The following TACC2 variants were observed in gnomAD, a reference collection of about 807,000 sequenced individuals.
TACC2 encodes the protein transforming acidic coiled-coil containing protein 2, also known as transforming acidic coiled-coil-containing protein 2.
In TACC2, 137 loss-of-function variants were observed where a neutral mutation model predicts 227.3. That is an observed-to-expected ratio of 0.60 (90% CI 0.52 to 0.69). TACC2 has a LOEUF of 0.69. Ranked by LOEUF, TACC2 falls within the 30% of genes least tolerant of loss-of-function variation. The pLI is 0.00. For synonymous variants in TACC2, 1,523 were observed against 1,487.5 expected (o/e 1.02, Z -0.55); for missense variants, 3,470 against 3,694.4 (o/e 0.94, Z 1.57).
intron 16 of TACC2, among the ~76,000 whole-genome samples, chr10:122,235,639 C>T (rs1451171415): frequency 6.6e-6 from 1 of 152,122 alleles, no homozygotes; most frequent in Non-Finnish European, 1.5e-5. Flanking sequence ...TGAGAAGTTC[C>T]CCCATGACAA....
chr10:122,028,833 C>T (rs1309629242), intron 2 of TACC2, among the ~76,000 whole-genome samples: 1 of 35,080 alleles, frequency 2.9e-5, no homozygotes, highest in African/African-American at 1.7e-4. Flanking sequence ...CTTCCCTTCC[C>T]TCCGCTCCCC....
chr10:122,135,228 A>G (rs768763290), intron 6 of TACC2, among the ~76,000 whole-genome samples: 7 of 152,164 alleles, frequency 4.6e-5, no homozygotes, highest in Non-Finnish European at 1.0e-4. Context: ...CGGGAGAGCC[A>G]GGCTTCCTCG....
At chr10:122,220,559 A>C (rs1049543263) in intron 11 of TACC2, among the ~76,000 whole-genome samples, 4 of 152,236 alleles carry the variant, frequency 2.6e-5, no homozygotes, top group Non-Finnish European at 4.4e-5. Context: ...TAGCAGCACC[A>C]GACACACACC....
Position 122,211,673 on chromosome 10 carries a change from C to G in TACC2, c.7248C>G (p.Asn2416Lys). 1 of 1,569,494 alleles carries G rather than the reference C, an allele frequency of 6.4e-7. No individual in the cohort carries two copies. Among genetic ancestry groups the G allele is most frequent in the Non-Finnish European group, 8.6e-7 (1 of 1,164,540 alleles). ...ATGGAGTGGACGGGGATGGGCTAAA[C>G]AAGCCCGCCAAGAAGAAGAAGACGC... ...EANGVDGDGL[N>K]KPAKKKKTPL... Residue 2416 changes from asparagine (N) to lysine (K), a missense_variant, in exon 9 of 23, where the codon AAC (asparagine) becomes AAG (lysine). Around this residue, in one of 10 missense-constraint regions of TACC2, gnomAD observed 593 missense variants for 636.6 expected, o/e 0.93. Transcript: ENST00000369005.
intron 5 of TACC2, among the ~76,000 whole-genome samples, chr10:122,092,343 A>G (rs1460449051): frequency 6.6e-6 from 1 of 152,164 alleles, no homozygotes; most frequent in Non-Finnish European, 1.5e-5. Context: ...TGTGTACCAT[A>G]TTATATTGTA....
In TACC2 at chr10:122,214,092, C is replaced by CG. The variant is rs1277896420; in HGVS notation, c.7284-1292dup. 6.6e-4 allele frequency among the ~76,000 whole-genome samples: 100 copies of CG among 152,076 alleles called. 1 individual carries two copies. The highest frequency in any genetic ancestry group is 2.8e-3 in the Admixed American group (43 of 15,262). On this transcript the variant is annotated intron_variant, in intron 9 of 22. Transcript: ENST00000369005. Reference sequence around the variant, plus strand: ...GGCCAGGAGGGATCTGTGGGCAGCTCGGGGGGGTCCAAAGACATGCAACTT... The same window carrying CG: ...GGCCAGGAGGGATCTGTGGGCAGCTCGGGGGGGGTCCAAAGACATGCAACTT...
In TACC2 at chr10:122,249,564, AG is replaced by A; in HGVS notation, c.8683del (p.Val2895PhefsTer37). 6.2e-7 allele frequency: 1 copy of A among 1,614,158 alleles called. No individual in the cohort carries two copies. Among genetic ancestry groups the A allele is most frequent in the Non-Finnish European group, 8.5e-7 (1 of 1,179,986 alleles). On this transcript the variant is annotated frameshift_variant, in exon 22 of 23. Coordinates refer to ENST00000369005, the MANE Select transcript of TACC2 (RefSeq NM_206862.4). LOFTEE classifies it high-confidence loss of function. Reference sequence around the variant, plus strand: ...CGCAGGGCCAATGCTGAGATTGCTCAGGTTCGAGGCAAGGCCCAGCAGGAGC... The same window carrying A: ...CGCAGGGCCAATGCTGAGATTGCTCAGTTCGAGGCAAGGCCCAGCAGGAGC... ...KLDRANAEIA[Q>X]VRGKAQQEQA...
intron 1 of TACC2, among the ~76,000 whole-genome samples, chr10:122,014,657 G>A (rs1191238593): frequency 1.3e-5 from 2 of 152,212 alleles, no homozygotes; most frequent in Admixed American, 6.5e-5. Context: ...GGCTTCTGCA[G>A]TCTTGCTGCT....
intron 1 of TACC2, among the ~76,000 whole-genome samples, chr10:122,016,769 T>C (rs1956699333): frequency 6.6e-6 from 1 of 152,196 alleles, no homozygotes; most frequent in Non-Finnish European, 1.5e-5. Flanking sequence ...TTCTATAAGA[T>C]GCTTAATTTG....
intron 2 of TACC2, among the ~76,000 whole-genome samples, chr10:122,043,565 TCTCTTTCTTTCTTCCTTTCTTC>T (rs1040543301): frequency 7.4e-4 from 8 of 10,802 alleles, no homozygotes; most frequent in African/African-American, 1.9e-3. Flanking sequence ...TCTCTCTCTC[TCTCTTTCTTTCTTCCTTTCTTC>T]CTTTCTTTCT....
At position 122,249,075 on chromosome 10, in the gene TACC2, C is replaced by G; in HGVS notation, c.8579C>G (p.Ala2860Gly). 6.2e-7 allele frequency: 1 copy of G among 1,613,196 alleles called. No individual in the cohort carries two copies. The highest frequency in any genetic ancestry group is 8.5e-7 in the Non-Finnish European group (1 of 1,179,848). Residue 2860 changes from alanine (A) to glycine (G), a missense_variant, in exon 21 of 23, where the codon GCG becomes GGG. Ala to Gly is a moderately conservative substitution (Grantham distance 60). This residue lies in a region of TACC2 where 89 missense variants were observed against 91.4 expected (regional missense o/e 0.97). Transcript: ENST00000369005. Reference sequence around the variant, plus strand: ...AATGAAGAGGTGTTGAAGAGATGTGCGCAGGAGTACCTGTCCCGGGTGAAG... The same window carrying G: ...AATGAAGAGGTGTTGAAGAGATGTGGGCAGGAGTACCTGTCCCGGGTGAAG... The part of the protein sequence containing the change: ...RKNEEVLKRC[A>G]QEYLSRVKKE...
chr10:122,028,760 T>C (rs1239567193), intron 2 of TACC2, among the ~76,000 whole-genome samples: 4 of 59,176 alleles, frequency 6.8e-5, no homozygotes, highest in Admixed American at 3.4e-4. Flanking sequence ...CCCTTCCCCT[T>C]CTGTTCCCTT....
At chr10:122,008,264 A>ATTATTTATT in intron 1 of TACC2, among the ~76,000 whole-genome samples, 4 of 134,654 alleles carry the variant, frequency 3.0e-5, no homozygotes, top group South Asian at 2.4e-4. Context: ...TATTATTATT[A>ATTATTTATT]TTTTTTTTTT....
At position 122,101,682 on chromosome 10, in the gene TACC2, C is replaced by T. The variant is rs111387563; in HGVS notation, c.5573+13091C>T. On this transcript the variant is annotated intron_variant, in intron 5 of 22. Coordinates refer to ENST00000369005, the MANE Select transcript of TACC2 (RefSeq NM_206862.4). ...TCATGCCATTCTCCTGCCTCAGGCTCCCAAGTAGCTGGGACTACAGGTGCC... is the reference window on the plus strand; with the variant it reads ...TCATGCCATTCTCCTGCCTCAGGCTTCCAAGTAGCTGGGACTACAGGTGCC... Among the ~76,000 whole-genome samples, 1,407 of 148,308 alleles carry T rather than the reference C, an allele frequency of 9.5e-3. 38 individuals are homozygous for T. The highest frequency in any genetic ancestry group is 0.034 in the African/African-American group (1,346 of 40,018).
intron 19 of TACC2, 108 bp downstream of exon 19, chr10:122,242,109 C>A (rs2141738094): frequency 1.9e-6 from 2 of 1,038,206 alleles, no homozygotes; most frequent in Non-Finnish European, 3.0e-6. Context: ...GAGCGTGAAG[C>A]CTTTCAGGGA....
chr10:122,117,191 CTTTTTTTT>C (rs71482688), intron 5 of TACC2, among the ~76,000 whole-genome samples: 80 of 129,820 alleles, frequency 6.2e-4, no homozygotes, highest in African/African-American at 2.1e-3. Context: ...TCTTAGAAAT[CTTTTTTTT>C]TTTTTTTTTT....
rs2095662574 is a variant in TACC2 at position 122,228,089 on chromosome 10, TC to T, written c.7896+82del. Reference sequence around the variant, plus strand: ...TATTGTCACCAAGAAGGCCAGGCCTTCAGAGCAACACTCACCTGGCACCTGC... The same window carrying T: ...TATTGTCACCAAGAAGGCCAGGCCTTAGAGCAACACTCACCTGGCACCTGC... On this transcript the variant is annotated intron_variant, in intron 14 of 22. Coordinates refer to ENST00000369005, the MANE Select transcript of TACC2 (RefSeq NM_206862.4). 3 of 1,450,206 alleles carry T rather than the reference TC, an allele frequency of 2.1e-6. No homozygotes were observed. In the African/African-American group the frequency reaches 4.2e-5, roughly 20 times the overall value. 89.8% of individuals were successfully genotyped at this position (1,450,206 alleles called of 1,614,324 possible).
chr10:122,152,729 C>T lies in TACC2; in HGVS notation c.5834+9023C>T, dbSNP rs894284161. ...GACTGACGTAGTTGGGGAAATGGGC[C>T]GAGCCATCCTGCATCCTCACTCTCT... On this transcript the variant is annotated intron_variant, in intron 7 of 22. Coordinates refer to ENST00000369005, the MANE Select transcript of TACC2 (RefSeq NM_206862.4). Among the ~76,000 whole-genome samples the T allele has an allele frequency of 1.3e-5, 2 of 152,174 alleles. 1 individual carries two copies. Among genetic ancestry groups the T allele is most frequent in the South Asian group, 4.1e-4 (2 of 4,824 alleles).
intron 5 of TACC2, among the ~76,000 whole-genome samples, chr10:122,093,152 G>A (rs2081019049): frequency 6.7e-6 from 1 of 149,732 alleles, no homozygotes; most frequent in Non-Finnish European, 1.5e-5. Context: ...TCAAGTATTA[G>A]TGGATTTTAA....
Sources: gnomAD v4.1 joint callset for allele counts (sites outside exome capture counted in the v4.1 genomes callset) on GRCh38, gnomAD v4.1.1 for gene constraint, gnomAD v4.1.1 regional missense constraint, MANE v1.5 for transcripts, NCBI Gene and HGNC (gene_info 2026-07-23, HGNC 2026-07-21) for gene names.